Variants in PPP3CA observed in about 807,000 individuals in gnomAD.
PPP3CA encodes the protein CAM-PRP catalytic subunit.
A neutral mutation model predicts 66.5 loss-of-function variants in PPP3CA; 14 were observed. The ratio of observed to expected loss-of-function variants is 0.21; its 90% CI spans 0.14 to 0.33. The LOEUF is 0.33. Ranked by LOEUF, PPP3CA falls within the 10% of genes least tolerant of loss-of-function variation. The pLI is 1.00. For missense variants in PPP3CA, 317 were observed against 639.5 expected (o/e 0.50, Z 5.44); for synonymous variants, 232 against 226.2 (o/e 1.03, Z -0.23).
At chr4:101,186,736 C>T (rs1231322976) in intron 2 of PPP3CA, among the ~76,000 whole-genome samples, 1 of 152,112 alleles carries the variant, frequency 6.6e-6, no homozygotes, top group Non-Finnish European at 1.5e-5. Flanking sequence ...CACTCTGTCA[C>T]AGCACAGCCC....
At chr4:101,106,460 GAAA>G (rs1560605225) in intron 3 of PPP3CA, among the ~76,000 whole-genome samples, 1,052 of 23,474 alleles carry the variant, frequency 0.045, 323 homozygotes, top group African/African-American at 0.16. Context: ...AAAGAGAAAA[GAAA>G]AGAAAAGAAA....
rs558120574 is a variant in PPP3CA at position 101,092,721 on chromosome 4, T to C, written c.782+1055A>G. 4.6e-5 allele frequency among the ~76,000 whole-genome samples: 7 copies of C among 152,108 alleles called. No individual in the cohort carries two copies. The South Asian group carries it at 1.2e-3, about 27-fold the overall frequency. ...TCTGTTCTTGTGATACTTTGTTGCA[T>C]TGGGGCAAAAATAATAGTTCTTATG... On this transcript the variant is annotated intron_variant, in intron 6 of 13. Coordinates refer to ENST00000394854, the MANE Select transcript of PPP3CA (RefSeq NM_000944.5).
intron 10 of PPP3CA, among the ~76,000 whole-genome samples, chr4:101,059,444 G>C (rs1271670207): frequency 6.6e-6 from 1 of 152,038 alleles, no homozygotes; most frequent in East Asian, 1.9e-4. Context: ...AGTTATAGAG[G>C]AGAAAAACTA....
chr4:101,088,584 C>CAAAAAAAAAAAA (rs1174497803), intron 6 of PPP3CA, among the ~76,000 whole-genome samples: 1 of 35,748 alleles, frequency 2.8e-5, no homozygotes, highest in Non-Finnish European at 6.5e-5. Context: ...GACTCCATCT[C>CAAAAAAAAAAAA]AAAAAAAAAA....
rs111854311 is a variant in PPP3CA at position 101,073,365 on chromosome 4, C to T, written c.955+7167G>A. ...GATCTCAGCTCACTGCAACCTCGGC[C>T]TCCCGGGTTCAAGCGATTCTTCCTC... On this transcript the variant is annotated intron_variant, in intron 8 of 13. Coordinates refer to ENST00000394854, the MANE Select transcript of PPP3CA (RefSeq NM_000944.5). Among the ~76,000 whole-genome samples the T allele has an allele frequency of 2.4e-3, 364 of 151,754 alleles. 6 individuals are homozygous for T. Among genetic ancestry groups the T allele is most frequent in the African/African-American group, 8.4e-3 (347 of 41,302 alleles).
At chr4:101,175,452 C>A (rs534370472) in intron 2 of PPP3CA, among the ~76,000 whole-genome samples, 3 of 152,238 alleles carry the variant, frequency 2.0e-5, no homozygotes, top group African/African-American at 7.2e-5. Context: ...CAAGATTATT[C>A]CAGCTGGTCA....
At chr4:101,268,588 A>G (rs1265411625) in intron 1 of PPP3CA, among the ~76,000 whole-genome samples, 1 of 152,184 alleles carries the variant, frequency 6.6e-6, no homozygotes, top group East Asian at 1.9e-4. Flanking sequence ...TTTAACTGCT[A>G]ATGAACTAAA....
intron 2 of PPP3CA, among the ~76,000 whole-genome samples, chr4:101,177,885 C>T (rs2110172256): frequency 6.6e-6 from 1 of 151,776 alleles, no homozygotes. Context: ...GAGTACACTA[C>T]TATATACCAA....
intron 2 of PPP3CA, among the ~76,000 whole-genome samples, chr4:101,193,398 A>G (rs1285515905): frequency 6.6e-6 from 1 of 152,238 alleles, no homozygotes; most frequent in Non-Finnish European, 1.5e-5. Context: ...TTTCTTTACA[A>G]AATGTCTGCA....
chr4:101,229,405 GA>G (rs1369788599), intron 1 of PPP3CA, among the ~76,000 whole-genome samples: 1 of 151,582 alleles, frequency 6.6e-6, no homozygotes, highest in Non-Finnish European at 1.5e-5. Context: ...CCTGTACAAA[GA>G]AAGTGAATAT....
chr4:101,180,870 A>T (rs926097754), intron 2 of PPP3CA, among the ~76,000 whole-genome samples: 5 of 151,980 alleles, frequency 3.3e-5, no homozygotes, highest in Non-Finnish European at 7.4e-5. Context: ...TCTACAAAAA[A>T]ATAAAATTTA....
chr4:101,217,472 A>C (rs1265340736), intron 1 of PPP3CA, among the ~76,000 whole-genome samples: 1 of 152,148 alleles, frequency 6.6e-6, no homozygotes, highest in Non-Finnish European at 1.5e-5. Flanking sequence ...TTCTGTTTAC[A>C]TGTTGAGTGA....
rs200551680 is a variant in PPP3CA at position 101,025,815 on chromosome 4, C to A, written c.*50G>T. The A allele has an allele frequency of 1.5e-4, 191 of 1,267,594 alleles. No homozygotes were observed. The East Asian group carries it at 4.5e-3, about 30-fold the overall frequency. 78.5% of individuals were successfully genotyped at this position (1,267,594 alleles called of 1,614,324 possible). On this transcript the variant is annotated 3_prime_UTR_variant, in exon 14 of 14. Transcript: ENST00000394854. ...ATGCAGCAATCCCCATCATGCCCCG[C>A]AGCTCAAAAAAAAAAAAAAAAAAAA...
At chr4:101,315,255 C>T (rs1036761895) in intron 1 of PPP3CA, among the ~76,000 whole-genome samples, 1 of 152,204 alleles carries the variant, frequency 6.6e-6, no homozygotes, top group Non-Finnish European at 1.5e-5. Context: ...CCCATGCTGG[C>T]ACCCTGACTT....
intron 1 of PPP3CA, among the ~76,000 whole-genome samples, chr4:101,300,761 C>T (rs1435587822): frequency 6.6e-6 from 1 of 152,200 alleles, no homozygotes. Context: ...CACCACTACA[C>T]TCCAGCCTGG....
intron 10 of PPP3CA, among the ~76,000 whole-genome samples, chr4:101,043,597 G>A (rs1036595221): frequency 6.6e-5 from 10 of 151,610 alleles, no homozygotes; most frequent in African/African-American, 1.9e-4. Context: ...TTTCTCGGCC[G>A]GGCGCAGTGG....
chr4:101,175,039 T>C (rs530710180), intron 2 of PPP3CA, among the ~76,000 whole-genome samples: 1 of 152,188 alleles, frequency 6.6e-6, no homozygotes, highest in Non-Finnish European at 1.5e-5. Flanking sequence ...CGAAAAATAT[T>C]TGGAGACATA....
At position 101,347,318 on chromosome 4, in the gene PPP3CA, CGCCGCTGCT is replaced by C. The variant is rs892043301; in HGVS notation, c.-531_-523del. On this transcript the variant is annotated 5_prime_UTR_variant, in exon 1 of 14. Coordinates refer to ENST00000394854, the MANE Select transcript of PPP3CA (RefSeq NM_000944.5). The stretch of plus-strand genomic sequence containing the variant: ...GCGTCCCCGGCGGCGGAGAGGCGGC[CGCCGCTGCT>C]GCCGCTGCTGCTGCCGCTGCCGCTG... 3.0e-5 allele frequency: 6 copies of C among 203,300 alleles called. No homozygotes were observed. The highest frequency in any genetic ancestry group is 7.1e-5 in the South Asian group (1 of 14,076). 12.6% of individuals were successfully genotyped at this position (203,300 alleles called of 1,614,324 possible).
chr4:101,095,639 T>C (rs759274024), intron 5 of PPP3CA, among the ~76,000 whole-genome samples: 2 of 152,202 alleles, frequency 1.3e-5, no homozygotes, highest in African/African-American at 2.4e-5. Flanking sequence ...GAGCTAGTTA[T>C]ATTCATGCAG....
Sources: gnomAD v4.1 joint callset for allele counts (sites outside exome capture counted in the v4.1 genomes callset) on GRCh38, gnomAD v4.1.1 for gene constraint, MANE v1.5 for transcripts, NCBI Gene and HGNC (gene_info 2026-07-23, HGNC 2026-07-21) for gene names.